MGST2: variants seen among roughly 807,000 people sequenced by gnomAD.
MGST2 encodes glutathione peroxidase MGST2.
A neutral mutation model predicts 16.6 loss-of-function variants in MGST2; 9 were observed. That is an observed-to-expected ratio of 0.54 (90% CI 0.33 to 0.95). MGST2 has a LOEUF of 0.95. MGST2 is among the 40% of genes least tolerant of loss of function. The probability of loss-of-function intolerance (pLI) is 0.03; values close to 1 mark genes in which losing one functional copy is unlikely to be tolerated. For synonymous variants in MGST2, 79 were observed against 68.0 expected (o/e 1.16, Z -0.79); for missense variants, 159 against 175.1 (o/e 0.91, Z 0.52).
intron 1 of MGST2, among the ~76,000 whole-genome samples, chr4:139,668,073 C>G (rs964670748): frequency 2.0e-5 from 3 of 151,978 alleles, no homozygotes; most frequent in Non-Finnish European, 4.4e-5. Flanking sequence ...TAGTTTGGTC[C>G]CAAAAGGCGG....
At chr4:139,719,684 C>T (rs1728151172) in intron 5 of MGST2, 1 of 1,613,406 alleles carries the variant, frequency 6.2e-7, no homozygotes, top group African/African-American at 1.3e-5. Context: ...GTTGAGGGTC[C>T]TCACTGTGCC....
At chr4:139,729,847 T>C (rs1424473204) in intron 5 of MGST2, among the ~76,000 whole-genome samples, 1 of 152,218 alleles carries the variant, frequency 6.6e-6, no homozygotes, top group East Asian at 1.9e-4. Flanking sequence ...CCTGAGCTGT[T>C]TTAAAAGCTG....
At chr4:139,720,237 T>C (rs368146044) in intron 5 of MGST2, 86 of 1,609,740 alleles carry the variant, frequency 5.3e-5, no homozygotes, top group Non-Finnish European at 7.1e-5. Context: ...ATTCCCATCA[T>C]GCCTGCGTTC....
At chr4:139,711,371 A>T (rs1222068009) in intron 5 of MGST2, among the ~76,000 whole-genome samples, 1 of 152,154 alleles carries the variant, frequency 6.6e-6, no homozygotes, top group Non-Finnish European at 1.5e-5. Flanking sequence ...TTTATTAAGA[A>T]AGTAAAGGAA....
At chr4:139,681,052 T>C (rs904573437) in intron 2 of MGST2, among the ~76,000 whole-genome samples, 4 of 152,142 alleles carry the variant, frequency 2.6e-5, no homozygotes, top group Non-Finnish European at 2.9e-5. Flanking sequence ...AGGGTCTCAG[T>C]GTTGCCTTGG....
chr4:139,725,679 G>A (rs1157571381), intron 5 of MGST2: 3 of 1,414,450 alleles, frequency 2.1e-6, no homozygotes, highest in African/African-American at 2.8e-5. Context: ...GTAAGGCAAT[G>A]CCTCTGGCTA....
chr4:139,719,637 G>A lies in MGST2; in HGVS notation c.*48+15441G>A, dbSNP rs1458951675. ...GCCTGGCTGGTGCCTTGCTGCCCCG[G>A]GAGCGATGGCATCATCTGCCGACCC... On this transcript the variant is annotated intron_variant, in intron 5 of 5. Coordinates refer to the MGST2 transcript ENST00000616265. 8 of 1,612,312 alleles carry A rather than the reference G, an allele frequency of 5.0e-6. No individual in the cohort carries two copies. In the Admixed American group the frequency reaches 6.7e-5, roughly 13 times the overall value.
chr4:139,675,229 A>C (rs1454833172), intron 1 of MGST2, among the ~76,000 whole-genome samples: 1 of 152,176 alleles, frequency 6.6e-6, no homozygotes, highest in African/African-American at 2.4e-5. Context: ...ATTTCCCTTG[A>C]AGGAACTCAA....
chr4:139,705,999 G>A (rs1727505230), downstream of MGST2, among the ~76,000 whole-genome samples: 1 of 152,200 alleles, frequency 6.6e-6, no homozygotes, highest in Non-Finnish European at 1.5e-5. Context: ...AAGGGCTTGA[G>A]TCTGGTGTGG....
intron 2 of MGST2, among the ~76,000 whole-genome samples, chr4:139,685,960 A>G (rs369778152): frequency 4.2e-4 from 64 of 152,284 alleles, no homozygotes; most frequent in African/African-American, 1.5e-3. Flanking sequence ...CACCACACCC[A>G]GCCTGAAGAG....
chr4:139,721,817 T>C (rs186020091), intron 5 of MGST2, among the ~76,000 whole-genome samples: 104 of 152,344 alleles, frequency 6.8e-4, no homozygotes, highest in African/African-American at 2.4e-3. Flanking sequence ...AAATCGAAAG[T>C]TCCTAGTAAA....
chr4:139,667,656 G>A (rs958433220), intron 1 of MGST2, among the ~76,000 whole-genome samples: 2 of 152,052 alleles, frequency 1.3e-5, no homozygotes, highest in Admixed American at 6.5e-5. Flanking sequence ...TCAAGAGATC[G>A]AGACCATCCT....
At chr4:139,742,114 T>A (rs1392547322), downstream of MGST2, among the ~76,000 whole-genome samples, 1 of 150,984 alleles carries the variant, frequency 6.6e-6, no homozygotes, top group East Asian at 1.9e-4. Flanking sequence ...TGAGAAATCA[T>A]CCTCTCTACA....
chr4:139,720,503 A>C (rs1454133012), intron 5 of MGST2, among the ~76,000 whole-genome samples: 1 of 152,214 alleles, frequency 6.6e-6, no homozygotes, highest in Admixed American at 6.5e-5. Context: ...GATTGTGAAA[A>C]TTTTGAAAGT....
At chr4:139,673,611 A>G (rs1164118334) in intron 1 of MGST2, among the ~76,000 whole-genome samples, 3 of 152,030 alleles carry the variant, frequency 2.0e-5, no homozygotes, top group Non-Finnish European at 2.9e-5. Context: ...ATGGGTTCTC[A>G]CTATGTTGTC....
chr4:139,723,422 T>C (rs1178781348), intron 5 of MGST2, among the ~76,000 whole-genome samples: 1 of 152,220 alleles, frequency 6.6e-6, no homozygotes, highest in East Asian at 1.9e-4. Flanking sequence ...GCAATTCTCC[T>C]GCCCCAGCCT....
In MGST2 at chr4:139,730,283, G is replaced by T. The variant is rs1728646976; in HGVS notation, c.*49-9929G>T. 1.0e-5 allele frequency: 8 copies of T among 785,884 alleles called. No homozygotes were observed. In the South Asian group the frequency reaches 1.2e-4, roughly 12 times the overall value. The allele number at this position is 785,884 out of a possible 1,614,324, so 48.7% of individuals were successfully genotyped here. On this transcript the variant is annotated intron_variant, in intron 5 of 5. Coordinates refer to the MGST2 transcript ENST00000616265. The stretch of plus-strand genomic sequence containing the variant: ...AGGTCTAAATTCTTCAGGTTCTCTT[G>T]TGATCCTGGGAAATGCTAGACCGTG...
chr4:139,707,339 A>G (rs1344190992), downstream of MGST2, among the ~76,000 whole-genome samples: 4 of 152,160 alleles, frequency 2.6e-5, no homozygotes, highest in Non-Finnish European at 4.4e-5. Context: ...GCTGAGAATG[A>G]TGGTTTCCAG....
chr4:139,740,795 G>C (rs1196589321), downstream of MGST2: 4 of 152,570 alleles, frequency 2.6e-5, no homozygotes. Context: ...AGGGCATGCT[G>C]TGGAGGGAAG....
Sources: allele counts gnomAD v4.1 joint callset (sites outside exome capture counted in the v4.1 genomes callset), GRCh38; gene constraint gnomAD v4.1.1; transcripts MANE v1.5; gene names NCBI Gene and HGNC (gene_info 2026-07-23, HGNC 2026-07-21).